NFE2L2: variants seen among roughly 807,000 people sequenced by gnomAD.
NFE2L2 encodes the protein nuclear factor erythroid 2-related factor 2.
A neutral mutation model predicts 49.6 loss-of-function variants in NFE2L2; 20 were observed. The ratio of observed to expected loss-of-function variants is 0.40; its 90% CI spans 0.28 to 0.59. The LOEUF is 0.59. Ranked by LOEUF, NFE2L2 falls within the 20% of genes least tolerant of loss-of-function variation. The pLI, the probability that NFE2L2 is intolerant of heterozygous loss-of-function variation, is 0.40. For missense variants in NFE2L2, 578 were observed against 714.2 expected, an observed-to-expected ratio of 0.81 and a Z score of 2.17; for synonymous variants, 244 against 256.5, an observed-to-expected ratio of 0.95 and a Z score of 0.47.
intron 1 of NFE2L2, among the ~76,000 whole-genome samples, chr2:177,245,742 T>G (rs1387431703): frequency 1.3e-5 from 2 of 152,128 alleles, no homozygotes; most frequent in Non-Finnish European, 2.9e-5. Flanking sequence ...CCCGAGTAGT[T>G]GGGATTACAG....
At chr2:177,264,298 C>T in intron 1 of NFE2L2, 1 of 485,740 alleles carries the variant, frequency 2.1e-6, no homozygotes, top group Non-Finnish European at 3.6e-6. Flanking sequence ...CTTCCCGCAA[C>T]TTCCCACCCG....
At chr2:177,258,055 G>A (rs1690592487) in intron 1 of NFE2L2, among the ~76,000 whole-genome samples, 1 of 152,226 alleles carries the variant, frequency 6.6e-6, no homozygotes, top group Admixed American at 6.5e-5. Context: ...CACCCCCAGA[G>A]ATTTTGATTT....
intron 1 of NFE2L2, among the ~76,000 whole-genome samples, chr2:177,247,529 C>T (rs1013209096): frequency 6.6e-6 from 1 of 151,796 alleles, no homozygotes; most frequent in African/African-American, 2.4e-5. Flanking sequence ...GGCGTGGTAG[C>T]GGGAGCCTAT....
intron 3 of NFE2L2, chr2:177,232,912 G>T (rs942368849): frequency 2.1e-6 from 1 of 469,870 alleles, no homozygotes; most frequent in Non-Finnish European, 3.7e-6. Context: ...ACAAGTCTTC[G>T]TTTATTGCCC....
intron 1 of NFE2L2, chr2:177,263,433 T>G (rs1335371488): frequency 4.1e-6 from 4 of 985,500 alleles, no homozygotes; most frequent in Admixed American, 6.1e-5. Context: ...ATATCCCGTC[T>G]TACACATTTT....
chr2:177,232,212 A>G, intron 4 of NFE2L2, 180 bp downstream of exon 4: 1 of 892,562 alleles, frequency 1.1e-6, no homozygotes, highest in Non-Finnish European at 1.6e-6. Context: ...ATCAGACGTC[A>G]GGTTTATAAC....
At chr2:177,261,832 C>T (rs1483048623) in intron 1 of NFE2L2, among the ~76,000 whole-genome samples, 2 of 152,006 alleles carry the variant, frequency 1.3e-5, no homozygotes, top group Admixed American at 6.6e-5. Context: ...GAAATATTGA[C>T]ACAAAACCCC....
Position 177,231,051 on chromosome 2 carries a change from T to C in NFE2L2, c.1552A>G (p.Lys518Glu). The change falls in exon 5 of 5, where the codon AAA (lysine) becomes GAA (glutamate). Residue 518 changes from lysine (K) to glutamate (E), a missense_variant. Transcript: ENST00000397062. Reference protein sequence around the residue: ...KVAAQNCRKRKLENIVELEQD... With the variant: ...KVAAQNCRKRELENIVELEQD... ...TCTAGTTCTACTATATTTTCCAGTT[T>C]TCTTTTTCTGCAATTCTGAGCAGCC... 6.2e-7 allele frequency: 1 copy of C among 1,614,088 alleles called. No homozygotes were observed.
chr2:177,255,821 A>T (rs1690497394), intron 1 of NFE2L2: 1 of 152,138 alleles, frequency 6.6e-6, no homozygotes, highest in South Asian at 2.1e-4. Context: ...TTGACTTCCC[A>T]AAGTGTTGGG....
intron 1 of NFE2L2, among the ~76,000 whole-genome samples, chr2:177,243,545 G>C (rs1303233938): frequency 6.6e-6 from 1 of 152,052 alleles, no homozygotes; most frequent in Non-Finnish European, 1.5e-5. Flanking sequence ...AAGAGATTAA[G>C]AGTCTTGCTC....
chr2:177,233,360 A>T (rs1166207645), intron 2 of NFE2L2, 21 bp from the exon 3 acceptor site: 8 of 1,220,756 alleles, frequency 6.6e-6, no homozygotes, highest in African/African-American at 5.7e-5. Flanking sequence ...GGAATGACAC[A>T]AAGGAAAACA....
chr2:177,232,104 G>A (rs749608073), intron 4 of NFE2L2, 96 bp from the exon 5 acceptor site: 529 of 1,179,776 alleles, frequency 4.5e-4, no homozygotes, highest in Non-Finnish European at 5.9e-4. Flanking sequence ...TTATCTTCAG[G>A]CTTATCTCTA....
intron 1 of NFE2L2, among the ~76,000 whole-genome samples, chr2:177,261,170 CAAAA>C (rs59040355): frequency 1.7e-5 from 2 of 120,140 alleles, no homozygotes; most frequent in African/African-American, 6.4e-5. Flanking sequence ...GACTTCATCT[CAAAA>C]AAAAAAAAAA....
intron 1 of NFE2L2, among the ~76,000 whole-genome samples, chr2:177,249,575 T>C (rs1160826307): frequency 9.9e-5 from 15 of 152,198 alleles, no homozygotes; most frequent in Non-Finnish European, 1.9e-4. Flanking sequence ...GCAATCCACA[T>C]GGGTAATTTT....
chr2:177,256,499 C>CAAAAAAAAAAAAAAAA (rs35073132), intron 1 of NFE2L2, among the ~76,000 whole-genome samples: 1 of 75,084 alleles, frequency 1.3e-5, no homozygotes. Context: ...TACATTCTTG[C>CAAAAAAAAAAAAAAAA]AAAAAAAAAA....
intron 3 of NFE2L2, 63 bp downstream of exon 3, chr2:177,233,187 A>G (rs771246121): frequency 7.5e-6 from 10 of 1,338,326 alleles, no homozygotes; most frequent in Admixed American, 7.2e-5. Flanking sequence ...CTTACATAGA[A>G]TAGATTGTTA....
intron 2 of NFE2L2, 85 bp from the exon 3 acceptor site, chr2:177,233,424 AAAATATTTATAATCAAGTTAAGT>A: frequency 2.0e-6 from 2 of 1,007,290 alleles, no homozygotes; most frequent in Non-Finnish European, 1.5e-6. Context: ...TGATGTTCAT[AAAATATTTATAATCAAGTTAAGT>A]AAATATTTAT....
chr2:177,239,758 A>G (rs938636904), intron 1 of NFE2L2, among the ~76,000 whole-genome samples: 2 of 152,186 alleles, frequency 1.3e-5, no homozygotes, highest in African/African-American at 4.8e-5. Context: ...TAAAAGAAAA[A>G]AGCTAAATTT....
At chr2:177,263,795 GAA>G (rs1690834052) in intron 1 of NFE2L2, 1 of 985,382 alleles carries the variant, frequency 1.0e-6, no homozygotes, top group Non-Finnish European at 1.2e-6. Flanking sequence ...CCCCGGCCGA[GAA>G]AGTGCGCGGG....
Sources: allele counts gnomAD v4.1 joint callset (sites outside exome capture counted in the v4.1 genomes callset), GRCh38; gene constraint gnomAD v4.1.1; transcripts MANE v1.5; gene names NCBI Gene and HGNC (gene_info 2026-07-23, HGNC 2026-07-21).